Variants in SRPRA observed in about 807,000 individuals in gnomAD.
The protein encoded by SRPRA is SRP receptor subunit alpha.
In SRPRA, 30 loss-of-function variants were observed where a neutral mutation model predicts 61.1. That is an observed-to-expected ratio of 0.49 (90% CI 0.37 to 0.67). The LOEUF (loss-of-function observed/expected upper bound fraction) is 0.67. SRPRA is among the 30% of genes least tolerant of loss of function. The probability of loss-of-function intolerance (pLI) is 0.00; values close to 1 mark genes in which losing one functional copy is unlikely to be tolerated. For missense variants in SRPRA, 759 were observed against 828.4 expected (o/e 0.92, Z 1.03); for synonymous variants, 324 against 299.7 (o/e 1.08, Z -0.84).
downstream of SRPRA, among the ~76,000 whole-genome samples, chr11:126,260,158 G>A (rs111554736): frequency 6.6e-5 from 10 of 151,736 alleles, no homozygotes; most frequent in South Asian, 8.3e-4. Context: ...TCAGCCTCCC[G>A]AGTAGCTGAG....
In SRPRA at chr11:126,268,755, C is replaced by A; in HGVS notation, c.50G>T (p.Cys17Phe). Residue 17 changes from cysteine to phenylalanine, a missense_variant, in exon 1 of 14, where the codon TGC (cysteine) becomes TTC (phenylalanine). Physicochemically the swap from Cys to Phe is radical, Grantham distance 205. Transcript: ENST00000332118. The stretch of plus-strand genomic sequence containing the variant: ...GCATGAGTCGCTAACGCCCTGGAAG[C>A]ACCAGAGCACAAGCCCGCCCTTGGA... ...IFSKGGLVLW[C>F]FQGVSDSCTG... The A allele has an allele frequency of 6.2e-7, 1 of 1,613,874 alleles. No homozygotes were observed. The highest frequency in any genetic ancestry group is 8.5e-7 in the Non-Finnish European group (1 of 1,180,040).
the SRPRA span, chr11:126,256,504 T>G: frequency 6.6e-7 from 1 of 1,516,842 alleles, no homozygotes; most frequent in South Asian, 1.2e-5. The surrounding 1 kb of genome is among the most constrained non-coding windows in gnomAD (Gnocchi z 6.6). Context: ...CATGACCTTC[T>G]TGTTTCAGAC....
rs1950756999 is a variant in SRPRA at position 126,264,097 on chromosome 11, C to CT, written c.1789-54dup. ...AACACAAGCCCACTTTTCACTCACC[C>CT]TCTCAGGAACAGGAAGCGCTGGAGC... On this transcript the variant is annotated intron_variant, in intron 13 of 13. Transcript: ENST00000332118. This position sits in a 1 kb window ranked among gnomAD's most constrained non-coding sequence, Gnocchi z 5.0. 1 of 1,613,178 alleles carries CT rather than the reference C, an allele frequency of 6.2e-7. No individual in the cohort carries two copies.
At chr11:126,262,413 C>A (rs532740520), downstream of SRPRA, 51 of 486,818 alleles carry the variant, frequency 1.0e-4, no homozygotes, top group African/African-American at 8.0e-4. Flanking sequence ...CTTGTGTCCA[C>A]ACAGCACACC....
the SRPRA span, among the ~76,000 whole-genome samples, chr11:126,241,499 A>G: frequency 6.6e-6 from 1 of 152,154 alleles, no homozygotes; most frequent in Non-Finnish European, 1.5e-5. Context: ...ATTTTACCAA[A>G]CTGAGTTGGA....
intron 1 of SRPRA, 80 bp downstream of exon 1, chr11:126,268,608 G>A (rs1213901278): frequency 4.9e-6 from 6 of 1,213,022 alleles, no homozygotes; most frequent in Non-Finnish European, 6.0e-6. Flanking sequence ...GGTGGGAGGA[G>A]GCGCGGAATA....
chr11:126,242,216 A>G, the SRPRA span, among the ~76,000 whole-genome samples: 1 of 152,126 alleles, frequency 6.6e-6, no homozygotes, highest in African/African-American at 2.4e-5. Flanking sequence ...GACACCAAAA[A>G]TGCAAAAAAC....
the SRPRA span, among the ~76,000 whole-genome samples, chr11:126,248,474 G>A: frequency 2.9e-5 from 4 of 138,940 alleles, no homozygotes; most frequent in Admixed American, 7.9e-5. Flanking sequence ...GGATTCAAGC[G>A]ATTCTCCTGC....
chr11:126,239,592 C>G, the SRPRA span, among the ~76,000 whole-genome samples: 863 of 152,260 alleles, frequency 5.7e-3, 3 homozygotes, highest in Middle Eastern at 0.017. Context: ...ACATGACTCC[C>G]GTAGTGTCTG....
At chr11:126,242,204 A>G in the SRPRA span, among the ~76,000 whole-genome samples, 1 of 152,156 alleles carries the variant, frequency 6.6e-6, no homozygotes, top group Admixed American at 6.5e-5. Context: ...TTTTTTAGAC[A>G]TGACACCAAA....
At chr11:126,253,807 C>G in the SRPRA span, among the ~76,000 whole-genome samples, 1 of 152,216 alleles carries the variant, frequency 6.6e-6, no homozygotes, top group Admixed American at 6.5e-5. This position sits in a 1 kb window ranked among gnomAD's most constrained non-coding sequence, Gnocchi z 5.1. Context: ...CGCATGGCAG[C>G]TGGATTCCAA....
At position 126,264,147 on chromosome 11, in the gene SRPRA, C is replaced by A; in HGVS notation, c.1788+44G>T. On this transcript the variant is annotated intron_variant, in intron 13 of 13. Coordinates refer to ENST00000332118, the MANE Select transcript of SRPRA (RefSeq NM_003139.4). The surrounding 1 kb of genome is among the most constrained non-coding windows in gnomAD (Gnocchi z 5.0). Reference sequence around the variant, plus strand: ...CCAAGATTTCCTTGCAGCCTCAGCTCCTTTGTGCAGGACGCCCATTCCAGC... The same window carrying A: ...CCAAGATTTCCTTGCAGCCTCAGCTACTTTGTGCAGGACGCCCATTCCAGC... 2 of 1,612,490 alleles carry A rather than the reference C, an allele frequency of 1.2e-6. No homozygotes were observed. The highest frequency in any genetic ancestry group is 2.2e-5 in the South Asian group (2 of 90,918).
At position 126,267,921 on chromosome 11, in the gene SRPRA, A is replaced by G; in HGVS notation, c.201+82T>C. ...TTTTTTCAGTTACGTCATCATATAC[A>G]CTGGCTGCAATTAATCAGAGTTCTC... On this transcript the variant is annotated intron_variant, in intron 2 of 13. Coordinates refer to ENST00000332118, the MANE Select transcript of SRPRA (RefSeq NM_003139.4). The surrounding 1 kb of genome is among the most constrained non-coding windows in gnomAD (Gnocchi z 4.2). The G allele has an allele frequency of 6.7e-7, 1 of 1,491,036 alleles. No homozygotes were observed. Among genetic ancestry groups the G allele is most frequent in the Non-Finnish European group, 9.3e-7 (1 of 1,070,744 alleles). 92.4% of individuals were successfully genotyped at this position (1,491,036 alleles called of 1,614,324 possible).
the SRPRA span, chr11:126,254,156 C>A: frequency 1.1e-6 from 1 of 886,462 alleles, no homozygotes; most frequent in Non-Finnish European, 1.7e-6. Context: ...AAACTTAGAC[C>A]ACATCAGGTT....
the SRPRA span, chr11:126,245,282 T>TA: frequency 5.9e-4 from 86 of 144,824 alleles, no homozygotes; most frequent in South Asian, 4.4e-3. Flanking sequence ...ACCCTGTCTC[T>TA]AAAAAAAAAA....
the SRPRA span, among the ~76,000 whole-genome samples, chr11:126,257,526 A>T: frequency 7.7e-3 from 1,172 of 152,308 alleles, 13 homozygotes; most frequent in African/African-American, 0.027. Context: ...CATAAAAAAA[A>T]AAGTTAGAGA....
chr11:126,254,519 T>C, the SRPRA span: 2 of 1,536,606 alleles, frequency 1.3e-6, no homozygotes, highest in Admixed American at 1.8e-5. Flanking sequence ...GGGGAACATC[T>C]TCTTTTCATT....
chr11:126,257,817 G>T, the SRPRA span, among the ~76,000 whole-genome samples: 1 of 152,080 alleles, frequency 6.6e-6, no homozygotes, highest in Admixed American at 6.6e-5. Flanking sequence ...GAGGATAGGG[G>T]TATCATACAC....
chr11:126,261,132 G>C, downstream of SRPRA: 1 of 339,880 alleles, frequency 2.9e-6, no homozygotes, highest in South Asian at 4.5e-5. Context: ...TTTAGGGACA[G>C]CAGACACATG....
Sources: gnomAD v4.1 joint callset for allele counts (sites outside exome capture counted in the v4.1 genomes callset) on GRCh38, gnomAD v4.1.1 for gene constraint, Gnocchi (gnomAD v3.1) non-coding constraint, MANE v1.5 for transcripts, NCBI Gene and HGNC (gene_info 2026-07-23, HGNC 2026-07-21) for gene names.